Variants in CSMD3 observed in about 807,000 individuals in gnomAD.
CSMD3 encodes CUB and Sushi multiple domains 3.
CSMD3 carries 177 observed loss-of-function variants against 435.2 expected under a neutral mutation model. The ratio of observed to expected loss-of-function variants is 0.41; its 90% CI spans 0.36 to 0.46. CSMD3 has a LOEUF of 0.46. CSMD3 is among the 20% of genes least tolerant of loss of function. The pLI is 0.34. For synonymous variants in CSMD3, 1,656 were observed against 1,520.5 expected, an observed-to-expected ratio of 1.09 and a Z score of -2.07; for missense variants, 4,265 against 4,504.6, an observed-to-expected ratio of 0.95 and a Z score of 1.52.
At position 112,638,838 on chromosome 8, in the gene CSMD3, A is replaced by G. The variant is rs1298967583; in HGVS notation, c.3384T>C (p.Ser1128=). 18 of 1,613,262 alleles carry G rather than the reference A, an allele frequency of 1.1e-5. No homozygotes were observed. Among genetic ancestry groups the G allele is most frequent in the Non-Finnish European group, 1.5e-5 (18 of 1,179,594 alleles). The change falls in exon 21 of 71, where the codon AGT becomes AGC. Residue 1128 remains serine (S), a synonymous_variant. Coordinates refer to ENST00000297405, the MANE Select transcript of CSMD3 (RefSeq NM_198123.2). ...HDYLLITENG[S]FTQPLARLTG... The stretch of plus-strand genomic sequence containing the variant: ...TCAGGCGTGCCAGTGGTTGGGTAAA[A>G]CTGCCATTCTCTGTGATCAGTAAGT...
chr8:112,273,414 T>A (rs1008548062), intron 59 of CSMD3, among the ~76,000 whole-genome samples: 9 of 152,124 alleles, frequency 5.9e-5, no homozygotes, highest in African/African-American at 2.2e-4. Context: ...GCCATACAGT[T>A]GTAGGCCCTA....
At chr8:112,919,882 G>A (rs1426060715) in intron 10 of CSMD3, among the ~76,000 whole-genome samples, 2 of 151,808 alleles carry the variant, frequency 1.3e-5, no homozygotes, top group African/African-American at 4.8e-5. Flanking sequence ...AAAAAAGTGT[G>A]CCTTTCTCGT....
chr8:112,872,618 T>G (rs2081167865), intron 10 of CSMD3, among the ~76,000 whole-genome samples: 2 of 151,988 alleles, frequency 1.3e-5, no homozygotes, highest in African/African-American at 4.8e-5. Context: ...GAAAGTCATG[T>G]TTATCTACAG....
chr8:112,905,298 T>C (rs944262265), intron 10 of CSMD3, among the ~76,000 whole-genome samples: 7 of 115,610 alleles, frequency 6.1e-5, no homozygotes, highest in African/African-American at 2.5e-4. Context: ...ATTAAACATA[T>C]ACTATGTGTA....
chr8:112,405,397 T>A (rs1279144887), intron 35 of CSMD3, among the ~76,000 whole-genome samples: 1 of 150,342 alleles, frequency 6.7e-6, no homozygotes, highest in Non-Finnish European at 1.5e-5. Context: ...TAAAAAATAA[T>A]AAAAATTCCC....
chr8:113,305,116 A>C (rs979576632), intron 2 of CSMD3, among the ~76,000 whole-genome samples: 44 of 135,482 alleles, frequency 3.2e-4, no homozygotes, highest in Non-Finnish European at 1.9e-4. Flanking sequence ...ACACATGGAC[A>C]CAGGAAGGGG....
At chr8:113,191,727 G>T (rs2092588654) in intron 3 of CSMD3, among the ~76,000 whole-genome samples, 1 of 151,798 alleles carries the variant, frequency 6.6e-6, no homozygotes, top group African/African-American at 2.4e-5. Context: ...ACATGTGAGT[G>T]CATGTGTTTT....
chr8:113,258,824 T>C (rs2093404194), intron 3 of CSMD3, among the ~76,000 whole-genome samples: 1 of 152,114 alleles, frequency 6.6e-6, no homozygotes, highest in Non-Finnish European at 1.5e-5. Flanking sequence ...TGTAGTAGTC[T>C]AGTTTGGTCC....
intron 5 of CSMD3, among the ~76,000 whole-genome samples, chr8:113,095,235 T>C (rs2090127171): frequency 6.6e-6 from 1 of 152,216 alleles, no homozygotes; most frequent in Admixed American, 6.5e-5. Flanking sequence ...GTGACTTCCA[T>C]GTTGCTAAAT....
At chr8:112,426,250 G>A (rs1048974764) in intron 32 of CSMD3, among the ~76,000 whole-genome samples, 1 of 152,110 alleles carries the variant, frequency 6.6e-6, no homozygotes, top group Non-Finnish European at 1.5e-5. Context: ...AGGGGGTGGG[G>A]AGTGAGGGTG....
chr8:113,185,734 T>C (rs2131954584), intron 3 of CSMD3, among the ~76,000 whole-genome samples: 1 of 149,670 alleles, frequency 6.7e-6, no homozygotes, highest in Admixed American at 6.6e-5. Flanking sequence ...TGTGTGTGCA[T>C]GCATGTGTGC....
At chr8:112,829,885 G>A in intron 11 of CSMD3, 96 bp from the exon 12 acceptor site, 1 of 599,112 alleles carries the variant, frequency 1.7e-6, no homozygotes, top group Non-Finnish European at 3.0e-6. Flanking sequence ...TTGTCTCTCT[G>A]CACACACACA....
chr8:112,597,449 C>T (rs1459350946), intron 22 of CSMD3, among the ~76,000 whole-genome samples: 6 of 130,462 alleles, frequency 4.6e-5, no homozygotes, highest in Non-Finnish European at 6.4e-5. Context: ...CAAGGAGGAA[C>T]TGGTACCATT....
chr8:113,161,022 G>A (rs1254538153), intron 4 of CSMD3, among the ~76,000 whole-genome samples: 1 of 152,008 alleles, frequency 6.6e-6, no homozygotes, highest in Admixed American at 6.6e-5. Flanking sequence ...CAATGTTTGA[G>A]GACCAACTGC....
chr8:113,160,340 G>T (rs945552397), intron 4 of CSMD3, among the ~76,000 whole-genome samples: 5 of 151,810 alleles, frequency 3.3e-5, no homozygotes, highest in Non-Finnish European at 7.4e-5. Context: ...TAAATGCATG[G>T]CTTAGATTTA....
At chr8:113,153,357 A>T (rs934543070) in intron 4 of CSMD3, among the ~76,000 whole-genome samples, 1 of 152,064 alleles carries the variant, frequency 6.6e-6, no homozygotes, top group Non-Finnish European at 1.5e-5. Flanking sequence ...TGAGAATTCA[A>T]TAGATAAAGA....
At chr8:112,545,279 C>G (rs936322638) in intron 27 of CSMD3, among the ~76,000 whole-genome samples, 3 of 151,644 alleles carry the variant, frequency 2.0e-5, no homozygotes, top group African/African-American at 4.8e-5. Context: ...GTCAGGAGAT[C>G]GAGACCATCT....
intron 13 of CSMD3, among the ~76,000 whole-genome samples, chr8:112,717,310 C>G (rs1324837334): frequency 2.0e-5 from 3 of 151,906 alleles, no homozygotes; most frequent in African/African-American, 7.2e-5. Flanking sequence ...AACAAACACA[C>G]GACAAAAAGC....
chr8:113,248,943 GTCAT>G (rs1290184764), intron 3 of CSMD3, among the ~76,000 whole-genome samples: 1 of 151,812 alleles, frequency 6.6e-6, no homozygotes, highest in Non-Finnish European at 1.5e-5. Flanking sequence ...GATATATTAA[GTCAT>G]TGGTATGGTT....
Sources: gnomAD v4.1 joint callset for allele counts (sites outside exome capture counted in the v4.1 genomes callset) on GRCh38, gnomAD v4.1.1 for gene constraint, MANE v1.5 for transcripts, NCBI Gene and HGNC (gene_info 2026-07-23, HGNC 2026-07-21) for gene names.